The following RDX variants were observed in gnomAD, a reference collection of about 807,000 sequenced individuals.
RDX encodes deafness, autosomal recessive 24.
In RDX, 32 loss-of-function variants were observed where a neutral mutation model predicts 83.7. The ratio of observed to expected loss-of-function variants is 0.38; its 90% CI spans 0.29 to 0.51. The LOEUF (loss-of-function observed/expected upper bound fraction) is 0.51, where lower values mean the gene tolerates loss of function less well. Among genes scored for constraint, RDX ranks in the 20% least tolerant of loss-of-function variants. The pLI is 0.87. For synonymous variants in RDX, 229 were observed against 222.7 expected (o/e 1.03, Z -0.25); for missense variants, 600 against 689.9 (o/e 0.87, Z 1.46).
intron 12 of RDX, 58 bp downstream of exon 12, chr11:110,236,041 G>A (rs1864834077): frequency 1.7e-6 from 2 of 1,199,264 alleles, no homozygotes; most frequent in Admixed American, 1.7e-5. Flanking sequence ...TACAAAGTCA[G>A]CATAATCCTG....
At chr11:110,192,340 A>G (rs1310422648) in intron 15 of RDX, among the ~76,000 whole-genome samples, 1 of 152,210 alleles carries the variant, frequency 6.6e-6, no homozygotes, top group Non-Finnish European at 1.5e-5. Flanking sequence ...GCATATGCAA[A>G]AGAATGAAAC....
At chr11:110,263,900 T>A in intron 5 of RDX, 60 bp downstream of exon 5, 1 of 1,506,412 alleles carries the variant, frequency 6.6e-7, no homozygotes, top group Non-Finnish European at 9.1e-7. Flanking sequence ...AAACGTTTTA[T>A]TTATAGACTT....
At chr11:110,187,687 C>T (rs997204173) in intron 15 of RDX, among the ~76,000 whole-genome samples, 6 of 152,328 alleles carry the variant, frequency 3.9e-5, no homozygotes, top group Admixed American at 2.0e-4. Context: ...CTTATGCTTG[C>T]CATTAGGGGA....
In RDX at chr11:110,245,261, G is replaced by T. The variant is rs1432816188; in HGVS notation, c.1090+2442C>A. Among the ~76,000 whole-genome samples, 151 of 151,978 alleles carry T rather than the reference G, an allele frequency of 9.9e-4. 2 individuals carry two copies. Among genetic ancestry groups the T allele is most frequent in the Non-Finnish European group, 2.9e-5 (2 of 67,946 alleles). ...GCCACCACGCCTGGCCAAATTTTTTGTTTTTTAAAAAATAAAACTATAAGG... is the reference window on the plus strand; with the variant it reads ...GCCACCACGCCTGGCCAAATTTTTTTTTTTTTAAAAAATAAAACTATAAGG... On this transcript the variant is annotated intron_variant, in intron 10 of 13. Transcript: ENST00000645495.
intron 2 of RDX, among the ~76,000 whole-genome samples, chr11:110,275,555 G>A (rs1291315686): frequency 1.3e-5 from 2 of 152,058 alleles, no homozygotes; most frequent in Non-Finnish European, 2.9e-5. Context: ...GAATGTTCAC[G>A]CATACGGCTT....
intron 10 of RDX, among the ~76,000 whole-genome samples, chr11:110,241,533 G>T (rs1306127589): frequency 6.6e-6 from 1 of 152,108 alleles, no homozygotes; most frequent in Admixed American, 6.5e-5. Flanking sequence ...CCGACCTCAG[G>T]TGATCCACCC....
chr11:110,247,935 T>G, intron 9 of RDX, 102 bp from the exon 10 acceptor site: 1 of 1,330,946 alleles, frequency 7.5e-7, no homozygotes. Context: ...TAATGTCTTT[T>G]GCAGCAACTT....
chr11:110,257,523 C>G (rs1250998167), intron 7 of RDX, among the ~76,000 whole-genome samples: 1 of 152,080 alleles, frequency 6.6e-6, no homozygotes, highest in African/African-American at 2.4e-5. Context: ...AAAAGCAGCA[C>G]AATTCAAATA....
chr11:110,240,074 G>A (rs1865022074), intron 10 of RDX, among the ~76,000 whole-genome samples: 1 of 152,048 alleles, frequency 6.6e-6, no homozygotes, highest in African/African-American at 2.4e-5. Context: ...CCAAAACAAA[G>A]GAAATCAATA....
At position 110,269,863 on chromosome 11, in the gene RDX, C is replaced by T. The variant is rs950449216; in HGVS notation, c.96+2673G>A. On this transcript the variant is annotated intron_variant, in intron 3 of 13. Transcript: ENST00000645495. The stretch of plus-strand genomic sequence containing the variant: ...GACCAGCCTGGGAAACATGACGAAA[C>T]CCCATCTCTACCAAAAATACAAAAA... 2.0e-5 allele frequency among the ~76,000 whole-genome samples: 3 copies of T among 151,942 alleles called. No individual in the cohort carries two copies. In the South Asian group the frequency reaches 6.2e-4, roughly 32 times the overall value.
intron 7 of RDX, 123 bp from the exon 8 acceptor site, chr11:110,255,508 TATTC>T: frequency 1.5e-6 from 1 of 657,792 alleles, no homozygotes; most frequent in East Asian, 2.8e-5. Context: ...TGTATTAACT[TATTC>T]ATAACTACAG....
chr11:110,284,197 A>T (rs1283952758), intron 1 of RDX, among the ~76,000 whole-genome samples: 1 of 152,238 alleles, frequency 6.6e-6, no homozygotes, highest in Non-Finnish European at 1.5e-5. Flanking sequence ...AGAATACATA[A>T]CAAAAGCTAC....
At chr11:110,265,675 A>T (rs1212632303) in intron 3 of RDX, among the ~76,000 whole-genome samples, 1 of 152,110 alleles carries the variant, frequency 6.6e-6, no homozygotes, top group Non-Finnish European at 1.5e-5. Flanking sequence ...AACATACCAT[A>T]AATTCCACCC....
intron 9 of RDX, among the ~76,000 whole-genome samples, chr11:110,249,442 A>G (rs181396248): frequency 4.9e-4 from 74 of 152,286 alleles, no homozygotes; most frequent in Middle Eastern, 3.4e-3. Context: ...CCTAAAACAG[A>G]AAGAGAGCTT....
chr11:110,292,063 C>T (rs1171737173), intron 1 of RDX, among the ~76,000 whole-genome samples: 3 of 152,140 alleles, frequency 2.0e-5, no homozygotes, highest in Non-Finnish European at 4.4e-5. Flanking sequence ...GAGGCCAAGG[C>T]GGGCAGATCA....
intron 1 of RDX, among the ~76,000 whole-genome samples, chr11:110,283,630 C>A (rs1860854731): frequency 6.6e-6 from 1 of 151,924 alleles, no homozygotes; most frequent in African/African-American, 2.4e-5. Flanking sequence ...GAGCCTGAGA[C>A]AGATGGGCTG....
chr11:110,222,025 A>G (rs571621463), intron 14 of RDX, among the ~76,000 whole-genome samples: 8 of 152,130 alleles, frequency 5.3e-5, no homozygotes, highest in Non-Finnish European at 8.8e-5. Context: ...TTATGTCTAT[A>G]TATGTCTTAT....
chr11:110,296,317 C>T (rs1447260279), intron 1 of RDX, 150 bp downstream of exon 1: 1 of 151,154 alleles, frequency 6.6e-6, no homozygotes. Context: ...AGTGGCGCCT[C>T]GGCCAGCTGG....
intron 1 of RDX, among the ~76,000 whole-genome samples, chr11:110,285,340 G>A (rs993958576): frequency 8.6e-5 from 13 of 151,960 alleles, no homozygotes; most frequent in African/African-American, 2.4e-4. Flanking sequence ...AGCCAAGATC[G>A]CGCCACTGCA....
Sources: allele counts gnomAD v4.1 joint callset (sites outside exome capture counted in the v4.1 genomes callset), GRCh38; gene constraint gnomAD v4.1.1; transcripts MANE v1.5; gene names NCBI Gene and HGNC (gene_info 2026-07-23, HGNC 2026-07-21).